Variants in SEMA6D observed in about 807,000 individuals in gnomAD.
SEMA6D encodes semaphorin-6D.
SEMA6D carries 35 observed loss-of-function variants against 106.6 expected under a neutral mutation model. The ratio of observed to expected loss-of-function variants is 0.33; its 90% CI spans 0.25 to 0.44. SEMA6D has a LOEUF of 0.44. Among genes scored for constraint, SEMA6D ranks in the 20% least tolerant of loss-of-function variants. The pLI is 1.00. For synonymous variants in SEMA6D, 499 were observed against 487.7 expected (o/e 1.02, Z -0.31); for missense variants, 1,185 against 1,345.9 (o/e 0.88, Z 1.87).
intron 3 of SEMA6D, among the ~76,000 whole-genome samples, chr15:47,552,606 A>G (rs1213211848): frequency 6.8e-6 from 1 of 147,348 alleles, no homozygotes; most frequent in Admixed American, 6.9e-5. Flanking sequence ...GCCTGTGCAC[A>G]TGTACATATT....
At chr15:47,418,869 A>G (rs2041064432) in intron 2 of SEMA6D, among the ~76,000 whole-genome samples, 1 of 152,168 alleles carries the variant, frequency 6.6e-6, no homozygotes, top group South Asian at 2.1e-4. Flanking sequence ...TAGTCACAGG[A>G]TATGAAAGTT....
At chr15:47,708,741 G>C (rs1345945306) in intron 4 of SEMA6D, among the ~76,000 whole-genome samples, 1 of 152,146 alleles carries the variant, frequency 6.6e-6, no homozygotes, top group Non-Finnish European at 1.5e-5. Context: ...AAGTTACATG[G>C]TGAGATAACT....
intron 1 of SEMA6D, among the ~76,000 whole-genome samples, chr15:47,316,116 A>T (rs1276390445): frequency 7.7e-4 from 1 of 1,302 alleles, no homozygotes. Context: ...TTTTTGAGAC[A>T]GAATCTTGTT....
intron 8 of SEMA6D, 65 bp from the exon 9 acceptor site, chr15:47,762,951 A>T: frequency 2.6e-6 from 3 of 1,176,340 alleles, no homozygotes; most frequent in Non-Finnish European, 3.6e-6. Flanking sequence ...CATGCTTTGC[A>T]GTCGGGGTCT....
At chr15:47,679,596 T>A (rs1380754232) in intron 4 of SEMA6D, among the ~76,000 whole-genome samples, 1 of 151,426 alleles carries the variant, frequency 6.6e-6, no homozygotes, top group African/African-American at 2.4e-5. Flanking sequence ...TTTTTGTTTG[T>A]TTTTGTTTTG....
At chr15:47,756,359 C>T (rs1308218726) in intron 1 of SEMA6D, among the ~76,000 whole-genome samples, 1 of 151,716 alleles carries the variant, frequency 6.6e-6, no homozygotes, top group Admixed American at 6.6e-5. Context: ...ACCTTTTTGC[C>T]AGACAAGACG....
chr15:47,266,192 T>G (rs2034309055), intron 1 of SEMA6D, among the ~76,000 whole-genome samples: 1 of 152,126 alleles, frequency 6.6e-6, no homozygotes, highest in Admixed American at 6.6e-5. Flanking sequence ...AATCTCCTAA[T>G]TTACTGCCAA....
At chr15:47,238,267 C>G (rs1456138155) in intron 1 of SEMA6D, among the ~76,000 whole-genome samples, 1 of 151,992 alleles carries the variant, frequency 6.6e-6, no homozygotes, top group Non-Finnish European at 1.5e-5. Context: ...AATAAAATAG[C>G]AACAACAACA....
At chr15:47,247,184 C>T (rs1455009262) in intron 1 of SEMA6D, among the ~76,000 whole-genome samples, 1 of 151,834 alleles carries the variant, frequency 6.6e-6, no homozygotes, top group Non-Finnish European at 1.5e-5. Context: ...AGACCTGAAA[C>T]GACTAATAAG....
At chr15:47,681,684 T>C (rs2078355859) in intron 4 of SEMA6D, among the ~76,000 whole-genome samples, 1 of 152,246 alleles carries the variant, frequency 6.6e-6, no homozygotes, top group African/African-American at 2.4e-5. Context: ...TCAATCACTA[T>C]ATGACATTGG....
intron 3 of SEMA6D, among the ~76,000 whole-genome samples, chr15:47,484,463 C>A (rs2043238267): frequency 6.6e-6 from 1 of 152,118 alleles, no homozygotes; most frequent in Non-Finnish European, 1.5e-5. Flanking sequence ...TATGTAACAT[C>A]ACAAAGAGGA....
chr15:47,511,008 G>A (rs533324061), intron 3 of SEMA6D, among the ~76,000 whole-genome samples: 5 of 152,176 alleles, frequency 3.3e-5, no homozygotes, highest in African/African-American at 1.2e-4. Flanking sequence ...GAAAATCTGG[G>A]TGTATAATAG....
At chr15:47,468,097 T>A (rs1380148138) in intron 2 of SEMA6D, among the ~76,000 whole-genome samples, 1 of 152,122 alleles carries the variant, frequency 6.6e-6, no homozygotes, top group Non-Finnish European at 1.5e-5. Flanking sequence ...TGCCTTCTTG[T>A]TGGAAATACA....
In SEMA6D at chr15:47,621,416, A is replaced by G. The variant is rs149597631; in HGVS notation, c.-55+20520A>G. 5.1e-4 allele frequency among the ~76,000 whole-genome samples: 78 copies of G among 152,240 alleles called. No individual in the cohort carries two copies. In the East Asian group the frequency reaches 0.011, roughly 21 times the overall value. On this transcript the variant is annotated intron_variant, in intron 4 of 19. Coordinates refer to the SEMA6D transcript ENST00000558014. ...TTAATTTTAGTTGAATTAGCTAAAT[A>G]CATAAGCCCGGTGAATCAACAGTGA...
At chr15:47,233,884 T>C (rs1324777541) in intron 1 of SEMA6D, among the ~76,000 whole-genome samples, 1 of 152,028 alleles carries the variant, frequency 6.6e-6, no homozygotes, top group African/African-American at 2.4e-5. Flanking sequence ...TACCTCTTCT[T>C]TTTCAAACTG....
At chr15:47,712,918 C>A (rs2079046496), upstream of SEMA6D, among the ~76,000 whole-genome samples, 2 of 152,058 alleles carry the variant, frequency 1.3e-5, no homozygotes, top group Non-Finnish European at 2.9e-5. Context: ...GACTGAGTTG[C>A]CAGCTTTTTG....
intron 1 of SEMA6D, among the ~76,000 whole-genome samples, chr15:47,331,319 T>C (rs979091351): frequency 1.3e-5 from 2 of 152,172 alleles, no homozygotes; most frequent in African/African-American, 4.8e-5. Context: ...AAGGAAATAA[T>C]AGATATATAT....
chr15:47,542,366 A>G (rs567414558), intron 3 of SEMA6D, among the ~76,000 whole-genome samples: 2 of 152,296 alleles, frequency 1.3e-5, no homozygotes, highest in African/African-American at 2.4e-5. Context: ...CATCCTTAGG[A>G]TCTCCATTAT....
At chr15:47,702,057 A>T (rs2078823733) in intron 4 of SEMA6D, among the ~76,000 whole-genome samples, 1 of 152,150 alleles carries the variant, frequency 6.6e-6, no homozygotes, top group Non-Finnish European at 1.5e-5. Context: ...TCAGAAATTT[A>T]TGTTAGCTTT....
Sources: gnomAD v4.1 joint callset for allele counts (sites outside exome capture counted in the v4.1 genomes callset) on GRCh38, gnomAD v4.1.1 for gene constraint, MANE v1.5 for transcripts, NCBI Gene and HGNC (gene_info 2026-07-23, HGNC 2026-07-21) for gene names.